Variants in IFI44L observed in about 807,000 individuals in gnomAD.
The protein encoded by IFI44L is interferon-induced protein 44-like.
IFI44L carries 40 observed loss-of-function variants against 39.3 expected under a neutral mutation model. The observed-to-expected ratio is 1.02, with a 90% CI of 0.79 to 1.33. The LOEUF (loss-of-function observed/expected upper bound fraction) is 1.33, where lower values mean the gene tolerates loss of function less well. IFI44L is among the 40% of genes most tolerant of loss of function. The pLI, the probability that IFI44L is intolerant of heterozygous loss-of-function variation, is 0.00. For synonymous variants in IFI44L, 198 were observed against 182.3 expected, an observed-to-expected ratio of 1.09 and a Z score of -0.69; for missense variants, 623 against 549.0, an observed-to-expected ratio of 1.13 and a Z score of -1.35.
chr1:78,641,224 A>G, intron 7 of IFI44L, 103 bp downstream of exon 7: 1 of 919,744 alleles, frequency 1.1e-6, no homozygotes, highest in Non-Finnish European at 1.7e-6. Flanking sequence ...TACAGAGTGT[A>G]TTTGCAGGGA....
intron 4 of IFI44L, among the ~76,000 whole-genome samples, chr1:78,632,841 TTC>T (rs933244813): frequency 1.3e-5 from 2 of 152,216 alleles, no homozygotes; most frequent in African/African-American, 4.8e-5. Flanking sequence ...AACCAATGAT[TTC>T]TGTTTTCTGT....
chr1:78,631,129 T>C (rs1652734800), intron 4 of IFI44L, among the ~76,000 whole-genome samples: 1 of 152,100 alleles, frequency 6.6e-6, no homozygotes, highest in Non-Finnish European at 1.5e-5. Flanking sequence ...TGAACTCCAA[T>C]GAAATGCAAA....
Position 78,629,860 on chromosome 1 carries a change from G to A in IFI44L, c.668G>A (p.Gly223Asp). The A allele has an allele frequency of 1.2e-6, 2 of 1,613,694 alleles. No homozygotes were observed. Among genetic ancestry groups the A allele is most frequent in the Non-Finnish European group, 1.7e-6 (2 of 1,179,800 alleles). The change falls in exon 4 of 9, where the codon GGC becomes GAC. Residue 223 changes from glycine to aspartate, a missense_variant. Physicochemically the swap from Gly to Asp is moderately conservative, Grantham distance 94 (BLOSUM62 -1). Coordinates refer to ENST00000370751, the MANE Select transcript of IFI44L (RefSeq NM_006820.4). ...FFNSVKSIFH[G>D]HVTGQAVVGS... ...AATTCAGTCAAGTCTATTTTTCATG[G>A]CCATGTGACTGGCCAAGCCGTAGTG...
Position 78,645,103 on chromosome 1 carries a change from C to T in IFI44L, c.*3294C>T, listed in dbSNP as rs1647032827. 1 of 152,204 alleles carries T rather than the reference C, an allele frequency of 6.6e-6. No homozygotes were observed. Among genetic ancestry groups the T allele is most frequent in the African/African-American group, 2.4e-5 (1 of 41,442 alleles). 9.4% of individuals were successfully genotyped at this position (152,204 alleles called of 1,614,324 possible). ...TTGTTTAAAGTCATTTTGTTCCCGA[C>T]TAGCTGCCTTGCACATTATCTTCAT... On this transcript the variant is annotated 3_prime_UTR_variant, in exon 9 of 9. Transcript: ENST00000370751.
chr1:78,629,417 T>C (rs1215593143), intron 3 of IFI44L, among the ~76,000 whole-genome samples: 2 of 152,334 alleles, frequency 1.3e-5, no homozygotes, highest in African/African-American at 4.8e-5. Flanking sequence ...TTATGTTCAA[T>C]GTCACTGATA....
intron 1 of IFI44L, chr1:78,625,556 AT>A (rs1652453958): frequency 6.6e-6 from 1 of 151,794 alleles, no homozygotes; most frequent in Admixed American, 6.6e-5. Context: ...TGTTTTACAA[AT>A]TTTGTTAATC....
chr1:78,628,483 G>A, intron 2 of IFI44L, 90 bp downstream of exon 2: 4 of 772,842 alleles, frequency 5.2e-6, no homozygotes, highest in Non-Finnish European at 8.5e-6. Flanking sequence ...AGCAAGGAAA[G>A]TGAAAGGAAC....
chr1:78,624,069 G>A (rs191296511), intron 1 of IFI44L, among the ~76,000 whole-genome samples: 27 of 152,082 alleles, frequency 1.8e-4, no homozygotes, highest in South Asian at 1.5e-3. Flanking sequence ...GTGCAGTGGT[G>A]CAATCTCTGC....
chr1:78,628,897 A>G (rs1251786581), intron 2 of IFI44L, 54 bp from the exon 3 acceptor site: 8 of 1,175,792 alleles, frequency 6.8e-6, no homozygotes, highest in Non-Finnish European at 1.0e-5. Context: ...AGACTTGGCC[A>G]CATTTAACCA....
chr1:78,642,308 C>G lies in IFI44L; in HGVS notation c.*499C>G, dbSNP rs72673958. The G allele has an allele frequency of 1.6e-4, 24 of 149,112 alleles. No homozygotes were observed. The highest frequency in any genetic ancestry group is 5.2e-4 in the African/African-American group (21 of 40,542). The allele number at this position is 149,112 out of a possible 1,614,324, so 9.2% of individuals were successfully genotyped here. A position where few individuals can be genotyped will look rare whatever the true frequency, so the allele number is the denominator to read the frequency against. ...TTTTCCTTCCCACTCTCTCCAACATCACATTCACTTTAAATTTTTCTGTAT... is the reference window on the plus strand; with the variant it reads ...TTTTCCTTCCCACTCTCTCCAACATGACATTCACTTTAAATTTTTCTGTAT... On this transcript the variant is annotated 3_prime_UTR_variant, in exon 9 of 9. Transcript: ENST00000370751.
At chr1:78,641,721 A>C in intron 8 of IFI44L, 54 bp from the exon 9 acceptor site, 3 of 1,611,024 alleles carry the variant, frequency 1.9e-6, no homozygotes, top group Non-Finnish European at 1.7e-6. Context: ...CCTAGTCCTG[A>C]AAGCTACATT....
rs1646990870 is a variant in IFI44L at position 78,641,866 on chromosome 1, G to C, written c.*57G>C. ...AGCCTGTACTGGTGTGCCGCAATGA[G>C]AGTCAATCTCTATTGACAGCCTGCT... is the stretch of plus-strand genomic sequence containing the variant. On this transcript the variant is annotated 3_prime_UTR_variant, in exon 9 of 9. Transcript: ENST00000370751. 3.2e-6 allele frequency: 5 copies of C among 1,555,872 alleles called. No individual in the cohort carries two copies. The highest frequency in any genetic ancestry group is 4.4e-6 in the Non-Finnish European group (5 of 1,127,370).
rs774303465 is a variant in IFI44L at position 78,628,097 on chromosome 1, T to A, written c.182T>A (p.Ile61Asn). The A allele has an allele frequency of 5.0e-6, 8 of 1,612,922 alleles. No homozygotes were observed. Among genetic ancestry groups the A allele is most frequent in the Non-Finnish European group, 5.9e-6 (7 of 1,179,508 alleles). Residue 61 changes from isoleucine (I) to asparagine (N), a missense_variant, in exon 2 of 9, where the codon ATT (isoleucine) becomes AAT (asparagine). Coordinates refer to ENST00000370751, the MANE Select transcript of IFI44L (RefSeq NM_006820.4). ...ITMAYIDYNM[I>N]VAFMLGNYIN... ...ATGGCTTACATTGATTACAATATGA[T>A]TGTAGCCTTTATGCTTGGAAATTAT...
intron 3 of IFI44L, 104 bp downstream of exon 3, chr1:78,629,103 G>T (rs1363879753): frequency 4.0e-6 from 3 of 758,366 alleles, no homozygotes; most frequent in Non-Finnish European, 6.9e-6. Flanking sequence ...CCACTGGAAT[G>T]ATTAAAAAAG....
At chr1:78,629,575 A>G (rs1442878276) in intron 3 of IFI44L, 145 bp from the exon 4 acceptor site, 3 of 516,794 alleles carry the variant, frequency 5.8e-6, no homozygotes, top group Non-Finnish European at 1.0e-5. Context: ...ATATTATAGA[A>G]GATCTCATTA....
At chr1:78,626,752 G>A (rs562234897) in intron 1 of IFI44L, 105 of 151,796 alleles carry the variant, frequency 6.9e-4, no homozygotes, top group African/African-American at 2.3e-3. Flanking sequence ...ATTATATAGT[G>A]GTGAATTCTG....
At chr1:78,629,151 A>G in intron 3 of IFI44L, 152 bp downstream of exon 3, 2 of 637,242 alleles carry the variant, frequency 3.1e-6, no homozygotes, top group Non-Finnish European at 2.8e-6. Flanking sequence ...CAAAAGCACT[A>G]CTAACTATGA....
chr1:78,637,225 A>T (rs1418866308), intron 6 of IFI44L, 22 bp downstream of exon 6: 3 of 1,553,672 alleles, frequency 1.9e-6, no homozygotes, highest in Non-Finnish European at 2.6e-6. Context: ...TGAACTTATA[A>T]AAAAATTTAC....
At chr1:78,625,876 A>T (rs1383472570) in intron 1 of IFI44L, 1 of 151,960 alleles carries the variant, frequency 6.6e-6, no homozygotes, top group Non-Finnish European at 1.5e-5. Flanking sequence ...TCTTATGTGA[A>T]TAATGGATTA....
Sources: gnomAD v4.1 joint callset for allele counts (sites outside exome capture counted in the v4.1 genomes callset) on GRCh38, gnomAD v4.1.1 for gene constraint, MANE v1.5 for transcripts, NCBI Gene and HGNC (gene_info 2026-07-23, HGNC 2026-07-21) for gene names.